The following NRG1 variants were observed in gnomAD, a reference collection of about 807,000 sequenced individuals.
NRG1 encodes neuregulin 1, also known as pro-neuregulin-1, membrane-bound isoform.
NRG1 carries 18 observed loss-of-function variants against 63.8 expected under a neutral mutation model. The observed-to-expected ratio is 0.28, with a 90% CI of 0.19 to 0.42. The LOEUF is 0.42. Ranked by LOEUF, NRG1 falls within the 10% of genes least tolerant of loss-of-function variation. The pLI, the probability that NRG1 is intolerant of heterozygous loss-of-function variation, is 1.00. For missense variants in NRG1, 762 were observed against 814.7 expected (o/e 0.94, Z 0.79); for synonymous variants, 302 against 301.3 (o/e 1.00, Z -0.02).
intron 1 of NRG1, among the ~76,000 whole-genome samples, chr8:32,489,213 A>T (rs1826253153): frequency 6.6e-6 from 1 of 152,078 alleles, no homozygotes; most frequent in Non-Finnish European, 1.5e-5. Context: ...GAGCATGCGC[A>T]GTGTGTTTAC....
chr8:32,606,539 A>T (rs1845321445), intron 3 of NRG1, among the ~76,000 whole-genome samples: 1 of 152,138 alleles, frequency 6.6e-6, no homozygotes, highest in Non-Finnish European at 1.5e-5. Flanking sequence ...TGTGTTTTGT[A>T]ATAGCCTGAT....
chr8:31,928,797 T>C (rs1834629022), intron 1 of NRG1, among the ~76,000 whole-genome samples: 1 of 152,184 alleles, frequency 6.6e-6, no homozygotes, highest in Non-Finnish European at 1.5e-5. Context: ...ACACATGTTC[T>C]TACTTATGAA....
intron 1 of NRG1, among the ~76,000 whole-genome samples, chr8:31,992,693 TA>T (rs551539586): frequency 2.0e-3 from 301 of 152,152 alleles, no homozygotes; most frequent in Non-Finnish European, 2.7e-3. Flanking sequence ...CAAAATCACC[TA>T]TTCTTTTACT....
chr8:32,562,800 C>T (rs1471816686), intron 1 of NRG1, among the ~76,000 whole-genome samples: 1 of 152,088 alleles, frequency 6.6e-6, no homozygotes, highest in East Asian at 1.9e-4. Flanking sequence ...CTGTTCTGGG[C>T]AGCAGTCAAG....
intron 1 of NRG1, among the ~76,000 whole-genome samples, chr8:31,773,004 A>C (rs1818781618): frequency 6.6e-6 from 1 of 152,196 alleles, no homozygotes; most frequent in East Asian, 1.9e-4. Context: ...TTACTGTATG[A>C]TATGTCCATC....
intron 1 of NRG1, among the ~76,000 whole-genome samples, chr8:32,591,463 A>G (rs961195159): frequency 6.6e-6 from 1 of 152,086 alleles, no homozygotes; most frequent in African/African-American, 2.4e-5. Flanking sequence ...ATCATCTCGT[A>G]AGGCAAGGAA....
intron 1 of NRG1, among the ~76,000 whole-genome samples, chr8:31,654,971 AT>A (rs1805287147): frequency 6.6e-6 from 1 of 151,966 alleles, no homozygotes; most frequent in African/African-American, 2.4e-5. Context: ...AATTCCCTGT[AT>A]TTTTTCCAAT....
At position 32,493,011 on chromosome 8, in the gene NRG1, A is replaced by T. The variant is rs569529896; in HGVS notation, c.38-102817A>T. On this transcript the variant is annotated intron_variant, in intron 1 of 10. Transcript: ENST00000519301. ...TAATTAACACAGAGCTTTTCCATCC[A>T]AGACAGAGCTTAAAGGCCTCTGTTT... Among the ~76,000 whole-genome samples, 18 of 152,316 alleles carry T rather than the reference A, an allele frequency of 1.2e-4. No homozygotes were observed. The South Asian group carries it at 3.3e-3, about 28-fold the overall frequency.
At chr8:32,047,794 C>G (rs975810564) in intron 1 of NRG1, among the ~76,000 whole-genome samples, 1 of 148,306 alleles carries the variant, frequency 6.7e-6, no homozygotes, top group African/African-American at 2.5e-5. Context: ...TACATTTACT[C>G]TTTTTTTTTT....
intron 1 of NRG1, among the ~76,000 whole-genome samples, chr8:31,794,375 A>T (rs1377886800): frequency 6.6e-6 from 1 of 151,924 alleles, no homozygotes; most frequent in Non-Finnish European, 1.5e-5. Flanking sequence ...GATACTTACC[A>T]CATCTAGGAT....
intron 1 of NRG1, among the ~76,000 whole-genome samples, chr8:32,265,163 C>G (rs1016501776): frequency 1.1e-4 from 16 of 151,868 alleles, no homozygotes; most frequent in African/African-American, 3.6e-4. Context: ...ATGGTGAGAC[C>G]TCTCTACAGA....
chr8:31,836,461 A>C (rs1825696871), intron 1 of NRG1, among the ~76,000 whole-genome samples: 1 of 152,080 alleles, frequency 6.6e-6, no homozygotes, highest in African/African-American at 2.4e-5. Flanking sequence ...GATCAGTAAT[A>C]GTTTCTTTGT....
At chr8:32,013,587 TGGCCACCAGATTCCAGCATCAGATCCCA>T (rs1815070332) in intron 1 of NRG1, among the ~76,000 whole-genome samples, 1 of 151,836 alleles carries the variant, frequency 6.6e-6, no homozygotes. Flanking sequence ...TATAAGAGAC[TGGCCACCAGATTCCAGCATCAGATCCCA>T]GGTAGGGCGC....
chr8:32,464,731 A>C (rs13252323), intron 1 of NRG1, among the ~76,000 whole-genome samples: 8,024 of 152,140 alleles, frequency 0.053, 283 homozygotes, highest in Middle Eastern at 0.085. Flanking sequence ...ACTCATGGAT[A>C]TCTATGTCAT....
intron 7 of NRG1, chr8:32,748,660 T>A (rs1324893844): frequency 4.4e-6 from 2 of 454,338 alleles, no homozygotes; most frequent in Non-Finnish European, 8.9e-6. Flanking sequence ...GTCCTCCAAG[T>A]GGCTGTGTGC....
chr8:31,651,280 T>C (rs79091815), intron 1 of NRG1, among the ~76,000 whole-genome samples: 2,021 of 152,356 alleles, frequency 0.013, 29 homozygotes, highest in Middle Eastern at 0.065. Flanking sequence ...GCAAATATGA[T>C]TGCCTCTGCA....
At chr8:32,148,068 C>CAAT (rs921588555) in intron 1 of NRG1, among the ~76,000 whole-genome samples, 26 of 151,778 alleles carry the variant, frequency 1.7e-4, no homozygotes, top group African/African-American at 5.6e-4. Flanking sequence ...TTATTATGTG[C>CAAT]AATAATAATA....
intron 1 of NRG1, among the ~76,000 whole-genome samples, chr8:32,091,146 C>T (rs986056035): frequency 2.0e-5 from 3 of 151,806 alleles, no homozygotes; most frequent in African/African-American, 4.8e-5. Flanking sequence ...GGCATAGTGG[C>T]GGGTGCCTGT....
At chr8:32,364,171 A>T (rs993719270) in intron 1 of NRG1, among the ~76,000 whole-genome samples, 1 of 145,080 alleles carries the variant, frequency 6.9e-6, no homozygotes, top group Non-Finnish European at 1.5e-5. Context: ...ATAGATATCT[A>T]CAGATGACTA....
Sources: allele counts gnomAD v4.1 joint callset (sites outside exome capture counted in the v4.1 genomes callset), GRCh38; gene constraint gnomAD v4.1.1; transcripts MANE v1.5; gene names NCBI Gene and HGNC (gene_info 2026-07-23, HGNC 2026-07-21).